The following IQCJ variants were observed in gnomAD, a reference collection of about 807,000 sequenced individuals.
The protein encoded by IQCJ is IQ motif containing J.
Under a neutral mutation model 11.0 loss-of-function variants are expected in IQCJ, and 9 were observed. That is an observed-to-expected ratio of 0.82 (90% CI 0.49 to 1.43). IQCJ has a LOEUF of 1.43. IQCJ is among the 40% of genes most tolerant of loss of function. The pLI is 0.00. For missense variants in IQCJ, 146 were observed against 133.2 expected (o/e 1.10, Z -0.47); for synonymous variants, 55 against 51.3 (o/e 1.07, Z -0.31).
At chr3:159,214,429 A>G (rs1490762222) in intron 1 of IQCJ, among the ~76,000 whole-genome samples, 6 of 152,120 alleles carry the variant, frequency 3.9e-5, no homozygotes, top group African/African-American at 1.4e-4. Context: ...CTACTCCAAA[A>G]ACCTTCCTAT....
At chr3:159,222,041 G>C (rs1258240900) in intron 1 of IQCJ, among the ~76,000 whole-genome samples, 2 of 152,044 alleles carry the variant, frequency 1.3e-5, no homozygotes, top group Admixed American at 1.3e-4. Flanking sequence ...TATAGAAAAA[G>C]TCAAAGCAAG....
At chr3:159,236,504 G>T (rs1726601335) in intron 1 of IQCJ, among the ~76,000 whole-genome samples, 1 of 152,164 alleles carries the variant, frequency 6.6e-6, no homozygotes, top group South Asian at 2.1e-4. Context: ...CAGAGGTTTG[G>T]ACTCCCTCCA....
chr3:159,262,607 C>T lies in IQCJ; in HGVS notation c.215C>T (p.Pro72Leu), dbSNP rs201513869. ...QRQEPLGKRS[P>L]SPPSVSSEKL... ...CAGGAGCCCCTGGGGAAGAGGAGCC[C>T]GTCCCCACCCTCTGTCTCCTCAGAG... Residue 72 changes from proline to leucine, a missense_variant, in exon 4 of 4, where the codon CCG (proline) becomes CTG (leucine). Coordinates refer to ENST00000397832, the MANE Select transcript of IQCJ (RefSeq NM_001042706.3). 23 of 1,613,828 alleles carry T rather than the reference C, an allele frequency of 1.4e-5. No individual in the cohort carries two copies. Among genetic ancestry groups the T allele is most frequent in the South Asian group, 5.5e-5 (5 of 91,078 alleles).
At chr3:159,205,165 C>G (rs540491687) in intron 1 of IQCJ, among the ~76,000 whole-genome samples, 1 of 152,296 alleles carries the variant, frequency 6.6e-6, no homozygotes, top group East Asian at 1.9e-4. Context: ...CTTCTGAAAA[C>G]TACCCTCAGG....
chr3:159,106,470 C>A (rs974599438), intron 1 of IQCJ, among the ~76,000 whole-genome samples: 12 of 151,494 alleles, frequency 7.9e-5, no homozygotes, highest in Admixed American at 3.3e-4. Flanking sequence ...ATTTGAGGAG[C>A]AACCAGCAAG....
intron 1 of IQCJ, among the ~76,000 whole-genome samples, chr3:159,087,902 TTG>T (rs1716917683): frequency 6.7e-6 from 1 of 149,438 alleles, no homozygotes; most frequent in Non-Finnish European, 1.5e-5. Context: ...GAAGGGTTTT[TTG>T]TGTCTCTATT....
chr3:159,094,800 G>A (rs151121969), intron 1 of IQCJ, among the ~76,000 whole-genome samples: 1 of 151,910 alleles, frequency 6.6e-6, no homozygotes, highest in East Asian at 1.9e-4. Flanking sequence ...AATAATGAAT[G>A]GTATTTTAGA....
Position 159,177,095 on chromosome 3 carries a change from G to C in IQCJ, c.10-68748G>C, listed in dbSNP as rs75079314. 9.9e-3 allele frequency among the ~76,000 whole-genome samples: 1,513 copies of C among 152,314 alleles called. 29 individuals are homozygous for C. Among genetic ancestry groups the C allele is most frequent in the African/African-American group, 0.034 (1,433 of 41,574 alleles). On this transcript the variant is annotated intron_variant, in intron 1 of 3. Coordinates refer to ENST00000397832, the MANE Select transcript of IQCJ (RefSeq NM_001042706.3). ...CACTTTTATCATTAAATAGAAAGCA[G>C]TGGGGAGGCTTTGGGCTAGAAAATC...
intron 1 of IQCJ, among the ~76,000 whole-genome samples, chr3:159,240,233 A>C (rs752265490): frequency 2.0e-5 from 3 of 152,194 alleles, no homozygotes; most frequent in Admixed American, 6.5e-5. Flanking sequence ...TCTATCATCT[A>C]TCATCTCTAT....
At chr3:159,256,887 G>C (rs1417203033) in intron 3 of IQCJ, among the ~76,000 whole-genome samples, 1 of 152,118 alleles carries the variant, frequency 6.6e-6, no homozygotes, top group East Asian at 1.9e-4. Flanking sequence ...TATTTGTCAA[G>C]TTTGGGCTAA....
chr3:159,245,302 T>C (rs1219032562), intron 1 of IQCJ, among the ~76,000 whole-genome samples: 1 of 151,914 alleles, frequency 6.6e-6, no homozygotes, highest in African/African-American at 2.4e-5. Flanking sequence ...GGTGGATCTA[T>C]GTAAACATAT....
chr3:159,227,675 C>T (rs1725936953), intron 1 of IQCJ, among the ~76,000 whole-genome samples: 2 of 152,206 alleles, frequency 1.3e-5, no homozygotes, highest in African/African-American at 4.8e-5. Context: ...CTTTCTAATT[C>T]TGGCGGGAAC....
rs534837405 is a variant in IQCJ at position 159,084,158 on chromosome 3, T to C, written c.9+14717T>C. On this transcript the variant is annotated intron_variant, in intron 1 of 3. Coordinates refer to ENST00000397832, the MANE Select transcript of IQCJ (RefSeq NM_001042706.3). ...ACTATATTTATGTAAGATGTCATCA[T>C]TGGGGGAAACTAGAGAAAGAGTATA... Among the ~76,000 whole-genome samples the C allele has an allele frequency of 1.2e-3, 183 of 152,194 alleles. 1 individual carries two copies. The highest frequency in any genetic ancestry group is 2.0e-3 in the Non-Finnish European group (138 of 67,994).
At chr3:159,168,725 T>C (rs1722313555) in intron 1 of IQCJ, among the ~76,000 whole-genome samples, 1 of 152,158 alleles carries the variant, frequency 6.6e-6, no homozygotes, top group Non-Finnish European at 1.5e-5. Flanking sequence ...CTAGTATAGC[T>C]AATAGTTGAT....
At chr3:159,140,063 TC>T (rs1302499020) in intron 1 of IQCJ, among the ~76,000 whole-genome samples, 5 of 152,004 alleles carry the variant, frequency 3.3e-5, no homozygotes, top group African/African-American at 1.2e-4. Context: ...GTTCCCATGT[TC>T]CCCCTGTTCA....
rs78854319 is a variant in IQCJ, at chr3:159,104,235, G to A, written c.9+34794G>A. ...CTTGTTGTTCCTTCTCTTGGGACCT[G>A]GATTTAGAAGTGAGCTAACCCACTC... On this transcript the variant is annotated intron_variant, in intron 1 of 3. Coordinates refer to ENST00000397832, the MANE Select transcript of IQCJ (RefSeq NM_001042706.3). Among the ~76,000 whole-genome samples the A allele has an allele frequency of 3.7e-3, 564 of 152,292 alleles. 3 individuals carry two copies. Among genetic ancestry groups the A allele is most frequent in the African/African-American group, 0.013 (550 of 41,550 alleles).
chr3:159,084,299 G>T (rs193168194), intron 1 of IQCJ, among the ~76,000 whole-genome samples: 1 of 151,682 alleles, frequency 6.6e-6, no homozygotes, highest in East Asian at 1.9e-4. Flanking sequence ...AGATAAATTC[G>T]GTTTGGAAAT....
At chr3:159,093,067 A>G (rs982117406) in intron 1 of IQCJ, among the ~76,000 whole-genome samples, 5 of 151,766 alleles carry the variant, frequency 3.3e-5, no homozygotes, top group Non-Finnish European at 7.4e-5. Context: ...TCCCATTTTT[A>G]TCTGCTTTTT....
At chr3:159,112,336 C>T (rs1240158762) in intron 1 of IQCJ, among the ~76,000 whole-genome samples, 1 of 151,512 alleles carries the variant, frequency 6.6e-6, no homozygotes, top group Non-Finnish European at 1.5e-5. Context: ...ATTTTTTTTT[C>T]AACTTCTTAG....
Sources: gnomAD v4.1 joint callset for allele counts (sites outside exome capture counted in the v4.1 genomes callset) on GRCh38, gnomAD v4.1.1 for gene constraint, MANE v1.5 for transcripts, NCBI Gene and HGNC (gene_info 2026-07-23, HGNC 2026-07-21) for gene names.